Variants in CCSER1 observed in about 807,000 individuals in gnomAD.
The protein encoded by CCSER1 is coiled-coil serine rich protein 1, also known as serine-rich coiled-coil domain-containing protein 1.
In CCSER1, 41 loss-of-function variants were observed where a neutral mutation model predicts 82.0. That is an observed-to-expected ratio of 0.50 (90% confidence interval 0.39 to 0.65). The LOEUF (loss-of-function observed/expected upper bound fraction) is 0.65, where lower values mean the gene tolerates loss of function less well. CCSER1 is among the 30% of genes least tolerant of loss of function. The pLI, the probability that CCSER1 is intolerant of heterozygous loss-of-function variation, is 0.00. For synonymous variants in CCSER1, 414 were observed against 383.9 expected (o/e 1.08, Z -0.92); for missense variants, 1,119 against 1,064.2 (o/e 1.05, Z -0.72).
intron 1 of CCSER1, among the ~76,000 whole-genome samples, chr4:90,199,334 T>C (rs1737208768): frequency 6.6e-6 from 1 of 152,306 alleles, no homozygotes; most frequent in Non-Finnish European, 1.5e-5. Flanking sequence ...CTACTTGTTA[T>C]TTACTTTTTC....
At chr4:90,361,013 G>T (rs2153518394) in intron 3 of CCSER1, among the ~76,000 whole-genome samples, 1 of 152,224 alleles carries the variant, frequency 6.6e-6, no homozygotes, top group East Asian at 1.9e-4. Flanking sequence ...TACATCCATA[G>T]TTCATTCTGT....
At chr4:91,121,307 G>C (rs1400373411) in intron 10 of CCSER1, among the ~76,000 whole-genome samples, 2 of 151,658 alleles carry the variant, frequency 1.3e-5, no homozygotes, top group Non-Finnish European at 3.0e-5. Flanking sequence ...TTTTGTCCCT[G>C]ATTCACAGTT....
chr4:90,444,629 T>A (rs17016998), intron 4 of CCSER1, among the ~76,000 whole-genome samples: 2,797 of 152,164 alleles, frequency 0.018, 78 homozygotes, highest in African/African-American at 0.063. Flanking sequence ...TGATGGCAGG[T>A]TAGTATTATT....
chr4:90,634,013 G>C (rs1724954644), intron 6 of CCSER1, among the ~76,000 whole-genome samples: 1 of 151,624 alleles, frequency 6.6e-6, no homozygotes, highest in South Asian at 2.1e-4. Flanking sequence ...ACTGTAGTAA[G>C]GGAAGAGAAC....
intron 3 of CCSER1, among the ~76,000 whole-genome samples, chr4:90,388,149 T>A (rs541224810): frequency 6.6e-6 from 1 of 152,128 alleles, no homozygotes; most frequent in South Asian, 2.1e-4. Context: ...CATGAAGGAG[T>A]TTATGATTTG....
intron 10 of CCSER1, among the ~76,000 whole-genome samples, chr4:91,249,249 T>G (rs1046065425): frequency 1.3e-5 from 2 of 152,166 alleles, no homozygotes; most frequent in African/African-American, 4.8e-5. Context: ...TTGTCACATG[T>G]TTTGAAAGAC....
At chr4:91,055,503 G>A (rs1388593140) in intron 9 of CCSER1, among the ~76,000 whole-genome samples, 1 of 152,100 alleles carries the variant, frequency 6.6e-6, no homozygotes. Flanking sequence ...TCTGATGAGA[G>A]ATCTCCAAAT....
intron 8 of CCSER1, among the ~76,000 whole-genome samples, chr4:90,874,424 G>GT (rs909083967): frequency 4.2e-4 from 53 of 127,064 alleles, no homozygotes; most frequent in African/African-American, 1.4e-3. Flanking sequence ...TTTAGAAGAA[G>GT]TTTTTTTTCC....
intron 10 of CCSER1, among the ~76,000 whole-genome samples, chr4:91,128,686 C>T (rs1299582382): frequency 6.6e-6 from 1 of 151,934 alleles, no homozygotes; most frequent in Non-Finnish European, 1.5e-5. Context: ...ACTCAGGTTA[C>T]AATACAGAAG....
intron 5 of CCSER1, among the ~76,000 whole-genome samples, chr4:90,545,880 C>A (rs1472470234): frequency 6.6e-6 from 1 of 152,090 alleles, no homozygotes; most frequent in Non-Finnish European, 1.5e-5. Flanking sequence ...ACAATATTTT[C>A]CTCTAGGGAA....
chr4:90,329,623 G>A (rs543130866), intron 3 of CCSER1, among the ~76,000 whole-genome samples: 1 of 152,012 alleles, frequency 6.6e-6, no homozygotes, highest in East Asian at 1.9e-4. Context: ...TTTGTATTTG[G>A]CTATTTTTTG....
At chr4:90,700,157 G>T (rs963738757) in intron 6 of CCSER1, among the ~76,000 whole-genome samples, 1 of 151,836 alleles carries the variant, frequency 6.6e-6, no homozygotes, top group Non-Finnish European at 1.5e-5. Context: ...CCCACAACAG[G>T]CCCCGGTGTG....
At chr4:90,452,616 T>C (rs1761608050) in intron 4 of CCSER1, among the ~76,000 whole-genome samples, 1 of 152,314 alleles carries the variant, frequency 6.6e-6, no homozygotes, top group East Asian at 1.9e-4. Context: ...GGCCATTGCC[T>C]TCCTTTCTGA....
intron 9 of CCSER1, among the ~76,000 whole-genome samples, chr4:90,932,980 A>AAGAAAGAAAGAAAGAAAGAAAGAAAGAG (rs1730218042): frequency 4.6e-5 from 1 of 21,940 alleles, no homozygotes; most frequent in Non-Finnish European, 8.5e-5. Flanking sequence ...GAAAGAAAGA[A>AAGAAAGAAAGAAAGAAAGAAAGAAAGAG]AGAGAAAGAA....
intron 10 of CCSER1, among the ~76,000 whole-genome samples, chr4:91,092,537 A>G (rs1724069664): frequency 6.6e-6 from 1 of 152,252 alleles, no homozygotes; most frequent in Non-Finnish European, 1.5e-5. Context: ...GACAGGTAAC[A>G]CATTGCTGTG....
chr4:91,194,279 G>A (rs1025619907), intron 10 of CCSER1, among the ~76,000 whole-genome samples: 1 of 152,114 alleles, frequency 6.6e-6, no homozygotes, highest in Non-Finnish European at 1.5e-5. Flanking sequence ...TTAAAGTAAT[G>A]TTGACTCTAA....
intron 1 of CCSER1, among the ~76,000 whole-genome samples, chr4:90,210,109 T>G (rs1354005951): frequency 1.3e-5 from 2 of 152,210 alleles, no homozygotes; most frequent in African/African-American, 4.8e-5. Flanking sequence ...GTTTGCACTC[T>G]TTCAATGGCC....
At chr4:91,512,290 C>T (rs982938236) in intron 10 of CCSER1, among the ~76,000 whole-genome samples, 1 of 152,168 alleles carries the variant, frequency 6.6e-6, no homozygotes, top group African/African-American at 2.4e-5. Context: ...TAGAATAAAG[C>T]AGGCAGAAGT....
chr4:90,335,448 G>C (rs1740203775), intron 3 of CCSER1, among the ~76,000 whole-genome samples: 1 of 152,042 alleles, frequency 6.6e-6, no homozygotes, highest in Non-Finnish European at 1.5e-5. Flanking sequence ...AGGTTGTCAG[G>C]ATTTTCTTAA....
Sources: allele counts gnomAD v4.1 joint callset (sites outside exome capture counted in the v4.1 genomes callset), GRCh38; gene constraint gnomAD v4.1.1; transcripts MANE v1.5; gene names NCBI Gene and HGNC (gene_info 2026-07-23, HGNC 2026-07-21).